The following EDIL3 variants were observed in gnomAD, a reference collection of about 807,000 sequenced individuals.
EDIL3 encodes the protein EGF like and discoidin domains 3, also known as EGF-like repeat and discoidin I-like domain-containing protein 3.
In EDIL3, 37 loss-of-function variants were observed where a neutral mutation model predicts 67.4. That is an observed-to-expected ratio of 0.55 (90% confidence interval 0.42 to 0.72). The LOEUF is 0.72. Among genes scored for constraint, EDIL3 ranks in the 30% least tolerant of loss-of-function variants. The pLI is 0.00. For missense variants in EDIL3, 527 were observed against 586.3 expected (o/e 0.90, Z 1.04); for synonymous variants, 195 against 196.3 (o/e 0.99, Z 0.05).
intron 9 of EDIL3, among the ~76,000 whole-genome samples, chr5:83,990,389 A>G (rs1213678468): frequency 3.3e-5 from 5 of 151,432 alleles, no homozygotes; most frequent in African/African-American, 1.2e-4. Context: ...TGGGAGGCTG[A>G]GGCAGAAGAA....
chr5:84,056,357 A>T (rs4285198), intron 9 of EDIL3, among the ~76,000 whole-genome samples: 46,468 of 151,546 alleles, frequency 0.31, 7,245 homozygotes, highest in African/African-American at 0.35. Flanking sequence ...CCATTAGGAG[A>T]CATACCTAAG....
chr5:84,097,511 G>A (rs1747285222), intron 6 of EDIL3, among the ~76,000 whole-genome samples: 1 of 152,102 alleles, frequency 6.6e-6, no homozygotes. Flanking sequence ...GGAGTAGTTA[G>A]CAAACCATGT....
At chr5:84,305,721 T>C (rs1010356543) in intron 1 of EDIL3, among the ~76,000 whole-genome samples, 1 of 151,768 alleles carries the variant, frequency 6.6e-6, no homozygotes, top group East Asian at 1.9e-4. Flanking sequence ...CTATTAAAAA[T>C]ACAAAAAATT....
chr5:84,096,329 C>T (rs959721510), intron 6 of EDIL3, among the ~76,000 whole-genome samples: 6 of 152,166 alleles, frequency 3.9e-5, no homozygotes, highest in African/African-American at 1.4e-4. Flanking sequence ...GAGGCTGTAC[C>T]CTGCAAAGCC....
rs1309664334 is a variant in EDIL3, at chr5:84,060,472, G to A, written c.965C>T (p.Pro322Leu). ...TATATGTCCTGATTTCATACCCAGA[G>A]GCTCAGAACAACCTGAAAGAAAATG... ...LGCELSGCSE[P>L]LGMKSGHIQD... The change falls in exon 9 of 11, where the codon CCT becomes CTT. Residue 322 changes from proline (P) to leucine (L), a missense_variant. Physicochemically the swap from Pro to Leu is moderately conservative, Grantham distance 98. This residue lies in a region of EDIL3 where 494 missense variants were observed against 522.5 expected (regional missense o/e 0.95). Coordinates refer to ENST00000296591, the MANE Select transcript of EDIL3 (RefSeq NM_005711.5). The A allele has an allele frequency of 6.2e-7, 1 of 1,613,344 alleles. No homozygotes were observed. The highest frequency in any genetic ancestry group is 2.2e-5 in the East Asian group (1 of 44,856).
At chr5:83,973,859 C>CA (rs1744831345) in intron 9 of EDIL3, among the ~76,000 whole-genome samples, 1 of 151,898 alleles carries the variant, frequency 6.6e-6, no homozygotes, top group Non-Finnish European at 1.5e-5. Context: ...GGAAAAACCA[C>CA]AATTACTTTT....
At chr5:84,247,642 G>A (rs1744934720) in intron 2 of EDIL3, among the ~76,000 whole-genome samples, 1 of 152,078 alleles carries the variant, frequency 6.6e-6, no homozygotes, top group Admixed American at 6.6e-5. Context: ...ATCTGAATTT[G>A]TGGTAGAAAA....
At chr5:84,276,786 C>A (rs1407620343) in intron 1 of EDIL3, among the ~76,000 whole-genome samples, 2 of 151,934 alleles carry the variant, frequency 1.3e-5, no homozygotes, top group African/African-American at 4.8e-5. Context: ...GTTGGCCAGG[C>A]TGGTCTCAAA....
chr5:84,271,444 T>C (rs1391915487), intron 1 of EDIL3, among the ~76,000 whole-genome samples: 1 of 149,632 alleles, frequency 6.7e-6, no homozygotes, highest in East Asian at 2.0e-4. Context: ...AATAAATAAA[T>C]AAATAAATAA....
At chr5:84,377,307 CAA>C (rs773972385) in intron 1 of EDIL3, among the ~76,000 whole-genome samples, 32 of 68,060 alleles carry the variant, frequency 4.7e-4, no homozygotes, top group East Asian at 3.2e-3. Context: ...GACTCCGTCT[CAA>C]AAAAAAAAAA....
chr5:83,947,860 C>G (rs761930812), intron 10 of EDIL3, among the ~76,000 whole-genome samples: 10 of 151,840 alleles, frequency 6.6e-5, no homozygotes, highest in Non-Finnish European at 1.2e-4. Context: ...AAAAACTCAA[C>G]TTCAGCGCTC....
intron 9 of EDIL3, among the ~76,000 whole-genome samples, chr5:84,050,899 C>T (rs996059774): frequency 3.3e-5 from 5 of 152,122 alleles, no homozygotes; most frequent in Non-Finnish European, 5.9e-5. Flanking sequence ...AGGGCATAGC[C>T]GAACAAAAGG....
chr5:84,359,631 G>A (rs535833682), intron 1 of EDIL3, among the ~76,000 whole-genome samples: 9 of 152,214 alleles, frequency 5.9e-5, no homozygotes, highest in African/African-American at 2.2e-4. Flanking sequence ...TGAAACTAAG[G>A]GAATCTATTA....
intron 5 of EDIL3, among the ~76,000 whole-genome samples, chr5:84,107,778 A>C (rs1034744525): frequency 6.7e-6 from 1 of 150,244 alleles, no homozygotes; most frequent in East Asian, 1.9e-4. Flanking sequence ...ATTATATATA[A>C]ATTCTTAATT....
chr5:84,369,654 T>C (rs1747804846), intron 1 of EDIL3, among the ~76,000 whole-genome samples: 1 of 152,012 alleles, frequency 6.6e-6, no homozygotes, highest in African/African-American at 2.4e-5. Context: ...TAAAGAGAAT[T>C]ATGGAGATGG....
chr5:84,052,736 A>C (rs1298491353), intron 9 of EDIL3, among the ~76,000 whole-genome samples: 5 of 152,234 alleles, frequency 3.3e-5, no homozygotes, highest in African/African-American at 1.2e-4. Context: ...CGGTGAAGGA[A>C]TCAATTCAAC....
At chr5:83,957,223 C>T (rs1744530943) in intron 10 of EDIL3, among the ~76,000 whole-genome samples, 1 of 151,702 alleles carries the variant, frequency 6.6e-6, no homozygotes, top group Non-Finnish European at 1.5e-5. Flanking sequence ...TCCTGCTGCT[C>T]AGAAACATGC....
At chr5:84,248,799 A>G (rs2112069337) in intron 2 of EDIL3, among the ~76,000 whole-genome samples, 1 of 152,232 alleles carries the variant, frequency 6.6e-6, no homozygotes. Context: ...TAAATAAGCA[A>G]TAATTGTCTA....
At chr5:84,054,581 T>A (rs1746407275) in intron 9 of EDIL3, among the ~76,000 whole-genome samples, 1 of 151,958 alleles carries the variant, frequency 6.6e-6, no homozygotes, top group Non-Finnish European at 1.5e-5. Flanking sequence ...GCCCAAAATC[T>A]CCTTAAGCTG....
Sources: gnomAD v4.1 joint callset for allele counts (sites outside exome capture counted in the v4.1 genomes callset) on GRCh38, gnomAD v4.1.1 for gene constraint, gnomAD v4.1.1 regional missense constraint, MANE v1.5 for transcripts, NCBI Gene and HGNC (gene_info 2026-07-23, HGNC 2026-07-21) for gene names.